SP6: variants seen among roughly 807,000 people sequenced by gnomAD.
SP6 encodes the protein transcription factor Sp6.
SP6 carries 10 observed loss-of-function variants against 23.4 expected under a neutral mutation model. The ratio of observed to expected loss-of-function variants is 0.43; its 90% confidence interval spans 0.26 to 0.72. The LOEUF is 0.72. Ranked by LOEUF, SP6 falls within the 30% of genes least tolerant of loss-of-function variation. The pLI, the probability that SP6 is intolerant of heterozygous loss-of-function variation, is 0.23. For synonymous variants in SP6, 238 were observed against 238.7 expected (o/e 1.00, Z 0.03); for missense variants, 482 against 523.8 (o/e 0.92, Z 0.78).
chr17:47,873,479 G>A, the SP6 span, among the ~76,000 whole-genome samples: 1 of 152,208 alleles, frequency 6.6e-6, no homozygotes, highest in Non-Finnish European at 1.5e-5. Context: ...TGCCAGCTGG[G>A]GGAGGGGAAA....
chr17:47,862,107 A>G, the SP6 span, among the ~76,000 whole-genome samples: 1 of 151,340 alleles, frequency 6.6e-6, no homozygotes, highest in African/African-American at 2.4e-5. Flanking sequence ...GCTGTTTGAG[A>G]GGCCAAGATG....
Position 47,846,872 on chromosome 17 carries a change from T to G in SP6, c.*427A>C. The stretch of plus-strand genomic sequence containing the variant: ...CCGCAGGGCGGCTCCGGAGGCGCTT[T>G]TATGTCCTGGTTCCCAGGCGCTAAG... On this transcript the variant is annotated 3_prime_UTR_variant, in exon 2 of 2. Coordinates refer to ENST00000536300, the MANE Select transcript of SP6 (RefSeq NM_001258248.2). 1.2e-5 allele frequency: 2 copies of G among 164,600 alleles called. No individual in the cohort carries two copies. Among genetic ancestry groups the G allele is most frequent in the Non-Finnish European group, 2.6e-5 (2 of 76,630 alleles). 10.2% of individuals were successfully genotyped at this position (164,600 alleles called of 1,614,324 possible). A position where few individuals can be genotyped will look rare whatever the true frequency, so the allele number is the denominator to read the frequency against.
upstream of SP6, among the ~76,000 whole-genome samples, chr17:47,858,096 C>T (rs1421103483): frequency 6.6e-6 from 1 of 152,108 alleles, no homozygotes; most frequent in African/African-American, 2.4e-5. Flanking sequence ...CGGTCTCCCA[C>T]CTCCTCCTCC....
upstream of SP6, among the ~76,000 whole-genome samples, chr17:47,851,360 C>G (rs1489235244): frequency 6.6e-6 from 1 of 152,200 alleles, no homozygotes; most frequent in African/African-American, 2.4e-5. Context: ...CCCTGGTCCC[C>G]TCCACTCCCA....
chr17:47,868,496 G>T, the SP6 span, among the ~76,000 whole-genome samples: 4 of 152,130 alleles, frequency 2.6e-5, no homozygotes, highest in Non-Finnish European at 5.9e-5. Flanking sequence ...TTTCATACGT[G>T]GGCAGCCAAC....
the SP6 span, among the ~76,000 whole-genome samples, chr17:47,869,353 A>C: frequency 6.6e-6 from 1 of 152,186 alleles, no homozygotes; most frequent in African/African-American, 2.4e-5. Context: ...CAGCGATCTT[A>C]GCTTGGATAG....
chr17:47,859,612 A>G (rs1221581385), upstream of SP6, among the ~76,000 whole-genome samples: 1 of 152,218 alleles, frequency 6.6e-6, no homozygotes, highest in Non-Finnish European at 1.5e-5. Context: ...CCAAGCTTCC[A>G]GAAGCTCCTC....
chr17:47,852,798 C>T (rs1044252693), upstream of SP6, among the ~76,000 whole-genome samples: 13 of 152,204 alleles, frequency 8.5e-5, no homozygotes, highest in African/African-American at 2.2e-4. Context: ...TTCTAAGGCT[C>T]ATTTCCCTCA....
the SP6 span, among the ~76,000 whole-genome samples, chr17:47,867,289 T>A: frequency 6.6e-6 from 1 of 151,570 alleles, no homozygotes; most frequent in Non-Finnish European, 1.5e-5. Context: ...AGAGGGGATG[T>A]GGGAGGGTGA....
the SP6 span, among the ~76,000 whole-genome samples, chr17:47,872,442 G>A: frequency 1.3e-5 from 2 of 152,188 alleles, no homozygotes; most frequent in Non-Finnish European, 2.9e-5. Context: ...TCTGGGCCGT[G>A]GGGGGAGCTA....
chr17:47,862,819 C>T, the SP6 span, among the ~76,000 whole-genome samples: 1 of 152,250 alleles, frequency 6.6e-6, no homozygotes, highest in Non-Finnish European at 1.5e-5. Flanking sequence ...GAGCATTGGA[C>T]TTCAGACCTC....
chr17:47,865,047 GAGA>G, the SP6 span: 2 of 152,410 alleles, frequency 1.3e-5, no homozygotes, highest in South Asian at 2.1e-4. Flanking sequence ...GAGAGGGGGA[GAGA>G]AGGAGAGCGA....
chr17:47,854,961 C>T (rs2033987904), upstream of SP6, among the ~76,000 whole-genome samples: 1 of 152,178 alleles, frequency 6.6e-6, no homozygotes, highest in South Asian at 2.1e-4. Flanking sequence ...CTCCTCTCCC[C>T]ACCATACTCT....
chr17:47,861,386 G>A, the SP6 span, among the ~76,000 whole-genome samples: 26,993 of 152,154 alleles, frequency 0.18, 2,499 homozygotes, highest in Admixed American at 0.27. Context: ...GATCCCAGGC[G>A]GACTTCAATG....
At chr17:47,862,916 C>T in the SP6 span, among the ~76,000 whole-genome samples, 4 of 152,374 alleles carry the variant, frequency 2.6e-5, no homozygotes, top group Admixed American at 2.6e-4. Context: ...AGTTCTGGCC[C>T]TTTGCATTAT....
At chr17:47,875,047 A>T in the SP6 span, among the ~76,000 whole-genome samples, 1 of 151,714 alleles carries the variant, frequency 6.6e-6, no homozygotes, top group Non-Finnish European at 1.5e-5. Context: ...TGCCACCACC[A>T]GGGGGGCAGC....
At chr17:47,871,729 C>T in the SP6 span, among the ~76,000 whole-genome samples, 1 of 152,168 alleles carries the variant, frequency 6.6e-6, no homozygotes, top group African/African-American at 2.4e-5. Context: ...AGCGATTCTC[C>T]TGCCTCGGCC....
the SP6 span, among the ~76,000 whole-genome samples, chr17:47,870,273 T>C: frequency 1.3e-5 from 2 of 152,218 alleles, no homozygotes; most frequent in African/African-American, 4.8e-5. Flanking sequence ...TCCTGAAATC[T>C]GTTCCCAGTC....
chr17:47,865,914 A>T, the SP6 span, among the ~76,000 whole-genome samples: 1 of 152,068 alleles, frequency 6.6e-6, no homozygotes, highest in Non-Finnish European at 1.5e-5. Context: ...AATGATGGGT[A>T]ATTTTTCTCT....
Sources: allele counts gnomAD v4.1 joint callset (sites outside exome capture counted in the v4.1 genomes callset), GRCh38; gene constraint gnomAD v4.1.1; transcripts MANE v1.5; gene names NCBI Gene and HGNC (gene_info 2026-07-23, HGNC 2026-07-21).